SDK1: variants seen among roughly 807,000 people sequenced by gnomAD.
SDK1 encodes the protein sidekick cell adhesion molecule 1, also known as protein sidekick-1.
A neutral mutation model predicts 245.5 loss-of-function variants in SDK1; 157 were observed. That is an observed-to-expected ratio of 0.64 (90% CI 0.56 to 0.73). The LOEUF is 0.73. SDK1 is among the 30% of genes least tolerant of loss of function. SDK1 has a pLI of 0.00. For synonymous variants in SDK1, 1,647 were observed against 1,278.5 expected (o/e 1.29, Z -6.15); for missense variants, 3,583 against 3,002.3 (o/e 1.19, Z -4.52).
At chr7:3,713,386 A>C (rs1345643034) in intron 4 of SDK1, among the ~76,000 whole-genome samples, 1 of 152,218 alleles carries the variant, frequency 6.6e-6, no homozygotes, top group African/African-American at 2.4e-5. Context: ...AAGAACTTAA[A>C]ACTAAGTAAG....
intron 13 of SDK1, among the ~76,000 whole-genome samples, chr7:3,980,043 C>T (rs1487413739): frequency 6.6e-6 from 1 of 152,118 alleles, no homozygotes; most frequent in East Asian, 1.9e-4. Context: ...AATACTGTTT[C>T]CCCCAGAGTT....
At position 3,670,299 on chromosome 7, in the gene SDK1, A is replaced by G. The variant is rs113117648; in HGVS notation, c.713+28194A>G. ...TTTGTGTAATTCAGTTCCTTCCCTTATCTACCTAAATTTTTTCTTCCATCT... is the reference window on the plus strand; with the variant it reads ...TTTGTGTAATTCAGTTCCTTCCCTTGTCTACCTAAATTTTTTCTTCCATCT... On this transcript the variant is annotated intron_variant, in intron 4 of 44. Coordinates refer to ENST00000404826, the MANE Select transcript of SDK1 (RefSeq NM_152744.4). Among the ~76,000 whole-genome samples, 690 of 152,150 alleles carry G rather than the reference A, an allele frequency of 4.5e-3. 5 individuals carry two copies. The highest frequency in any genetic ancestry group is 0.016 in the African/African-American group (649 of 41,510).
intron 1 of SDK1, among the ~76,000 whole-genome samples, chr7:3,508,619 C>T (rs567549996): frequency 7.2e-5 from 11 of 152,252 alleles, no homozygotes; most frequent in Non-Finnish European, 1.3e-4. Flanking sequence ...TGAGCCACCC[C>T]GCCCAGCCTT....
chr7:3,446,723 C>A (rs1033110615), intron 1 of SDK1, among the ~76,000 whole-genome samples: 2 of 152,086 alleles, frequency 1.3e-5, no homozygotes, highest in African/African-American at 4.8e-5. Context: ...TGAATTCAAT[C>A]CCTAACAAAT....
intron 1 of SDK1, among the ~76,000 whole-genome samples, chr7:3,386,791 C>G (rs75949193): frequency 0.027 from 4,155 of 152,242 alleles, 204 homozygotes; most frequent in African/African-American, 0.094. Flanking sequence ...GCTGCTATCA[C>G]CATGTTTATC....
chr7:3,566,669 A>G (rs1019268712), intron 1 of SDK1, among the ~76,000 whole-genome samples: 1 of 151,920 alleles, frequency 6.6e-6, no homozygotes, highest in Non-Finnish European at 1.5e-5. Context: ...TGGAATGTCC[A>G]CAACTTAGAT....
intron 14 of SDK1, among the ~76,000 whole-genome samples, chr7:3,996,428 A>G (rs1020273268): frequency 9.2e-5 from 14 of 152,216 alleles, no homozygotes; most frequent in African/African-American, 3.4e-4. Context: ...TTGCATTTTT[A>G]ATCATGTTAA....
At chr7:3,455,645 C>G (rs1412690360) in intron 1 of SDK1, among the ~76,000 whole-genome samples, 1 of 152,028 alleles carries the variant, frequency 6.6e-6, no homozygotes, top group African/African-American at 2.4e-5. Flanking sequence ...CTGTGTGACT[C>G]TTCCTCCACC....
intron 5 of SDK1, among the ~76,000 whole-genome samples, chr7:3,857,664 C>T (rs528816910): frequency 3.1e-4 from 47 of 150,422 alleles, no homozygotes; most frequent in African/African-American, 1.1e-3. Flanking sequence ...TCCAGCCTGG[C>T]CGACAGAGTA....
At chr7:4,101,952 C>G (rs937100569) in intron 22 of SDK1, among the ~76,000 whole-genome samples, 1 of 152,118 alleles carries the variant, frequency 6.6e-6, no homozygotes, top group Non-Finnish European at 1.5e-5. Flanking sequence ...AGCTCAGGAT[C>G]AGGGAACAAA....
chr7:4,258,286 C>G (rs1787749761), intron 44 of SDK1, among the ~76,000 whole-genome samples: 1 of 152,162 alleles, frequency 6.6e-6, no homozygotes, highest in African/African-American at 2.4e-5. Flanking sequence ...CCGAACCACC[C>G]CTAGGCCCCA....
At chr7:3,907,714 A>T (rs1205333236) in intron 5 of SDK1, among the ~76,000 whole-genome samples, 1 of 152,260 alleles carries the variant, frequency 6.6e-6, no homozygotes, top group Non-Finnish European at 1.5e-5. Context: ...ACAAAGGTGT[A>T]GCACCGCAAC....
chr7:4,105,332 G>A (rs1321647279), intron 22 of SDK1, among the ~76,000 whole-genome samples: 1 of 148,554 alleles, frequency 6.7e-6, no homozygotes, highest in Non-Finnish European at 1.5e-5. Flanking sequence ...GTTTTAGATG[G>A]ACCTTCACTC....
chr7:3,526,550 A>G (rs192542291), intron 1 of SDK1, among the ~76,000 whole-genome samples: 2 of 152,260 alleles, frequency 1.3e-5, no homozygotes, highest in Admixed American at 1.3e-4. Context: ...CATTGCAGAT[A>G]GTTTGGTGGA....
chr7:3,604,446 A>G (rs530864643), intron 1 of SDK1, among the ~76,000 whole-genome samples: 2 of 152,070 alleles, frequency 1.3e-5, no homozygotes, highest in Non-Finnish European at 2.9e-5. Flanking sequence ...CCCTCTTTCT[A>G]ATGTAAGCAT....
chr7:3,865,683 CTTTT>C (rs546927109), intron 5 of SDK1, among the ~76,000 whole-genome samples: 1 of 140,554 alleles, frequency 7.1e-6, no homozygotes. Flanking sequence ...TTATTTTTTT[CTTTT>C]TTTTTTTTTT....
rs545082714 is a variant in SDK1 at position 3,357,378 on chromosome 7, C to A, written c.298+55494C>A. Among the ~76,000 whole-genome samples, 351 of 105,700 alleles carry A rather than the reference C, an allele frequency of 3.3e-3. 2 individuals carry two copies. Among genetic ancestry groups the A allele is most frequent in the Non-Finnish European group, 5.5e-3 (291 of 53,204 alleles). 69.3% of individuals were successfully genotyped at this position (105,700 alleles called of 152,430 possible). A position where few individuals can be genotyped will look rare whatever the true frequency, so the allele number is the denominator to read the frequency against. ...TTTTTTTTTTTTTTTGAGGCAGGGT[C>A]TCACTCTGTTGCCCAGGCTGGAGTG... On this transcript the variant is annotated intron_variant, in intron 1 of 44. Coordinates refer to ENST00000404826, the MANE Select transcript of SDK1 (RefSeq NM_152744.4).
At chr7:3,379,962 T>C (rs1391501462) in intron 1 of SDK1, among the ~76,000 whole-genome samples, 1 of 152,284 alleles carries the variant, frequency 6.6e-6, no homozygotes, top group Admixed American at 6.5e-5. Context: ...ATCCAAAGGC[T>C]CTCTGGTCCT....
intron 4 of SDK1, among the ~76,000 whole-genome samples, chr7:3,662,926 A>G (rs565404945): frequency 1.6e-4 from 25 of 152,326 alleles, no homozygotes; most frequent in African/African-American, 5.8e-4. Flanking sequence ...TGAAATACGA[A>G]GCACTTATGG....
Sources: gnomAD v4.1 joint callset for allele counts (sites outside exome capture counted in the v4.1 genomes callset) on GRCh38, gnomAD v4.1.1 for gene constraint, MANE v1.5 for transcripts, NCBI Gene and HGNC (gene_info 2026-07-23, HGNC 2026-07-21) for gene names.